Variants in NFAT5 observed in about 807,000 individuals in gnomAD.
NFAT5 encodes the protein nuclear factor of activated T-cells 5.
NFAT5 carries 31 observed loss-of-function variants against 166.5 expected under a neutral mutation model. That is an observed-to-expected ratio of 0.19 (90% CI 0.14 to 0.25). NFAT5 has a LOEUF of 0.25. Ranked by LOEUF, NFAT5 falls within the 10% of genes least tolerant of loss-of-function variation. The pLI, the probability that NFAT5 is intolerant of heterozygous loss-of-function variation, is 1.00. For synonymous variants in NFAT5, 612 were observed against 639.7 expected, an observed-to-expected ratio of 0.96 and a Z score of 0.65; for missense variants, 1,449 against 1,821.8, an observed-to-expected ratio of 0.80 and a Z score of 3.72.
intron 2 of NFAT5, among the ~76,000 whole-genome samples, chr16:69,585,440 G>A (rs377164115): frequency 1.4e-4 from 21 of 152,064 alleles, no homozygotes; most frequent in East Asian, 9.6e-4. Flanking sequence ...GTTAAACATA[G>A]AATTATATGA....
At chr16:69,594,308 T>G (rs1348875561) in intron 2 of NFAT5, among the ~76,000 whole-genome samples, 1 of 152,186 alleles carries the variant, frequency 6.6e-6, no homozygotes, top group Non-Finnish European at 1.5e-5. Flanking sequence ...CTGTAGACAA[T>G]TGTAACACAA....
At chr16:69,667,735 C>T (rs543119345) in intron 7 of NFAT5, among the ~76,000 whole-genome samples, 1 of 151,212 alleles carries the variant, frequency 6.6e-6, no homozygotes, top group East Asian at 1.9e-4. Flanking sequence ...TTTGGTAATA[C>T]AATATATTAA....
At chr16:69,606,050 TC>T (rs1254979961) in intron 2 of NFAT5, among the ~76,000 whole-genome samples, 1 of 152,198 alleles carries the variant, frequency 6.6e-6, no homozygotes, top group East Asian at 1.9e-4. Flanking sequence ...TGGTACTGTA[TC>T]CTTTTACCCT....
rs1282580664 is a variant in NFAT5 at position 69,703,073 on chromosome 16, G to T, written c.*6722G>T. On this transcript the variant is annotated 3_prime_UTR_variant, in exon 15 of 15. Transcript: ENST00000349945. Reference sequence around the variant, plus strand: ...AAGTCTCCTGTTTATCCATAAAATGGGTACATTATGGGCAGTGTAATACAA... The same window carrying T: ...AAGTCTCCTGTTTATCCATAAAATGTGTACATTATGGGCAGTGTAATACAA... The T allele has an allele frequency of 6.6e-6, 1 of 152,446 alleles. No individual in the cohort carries two copies. Among genetic ancestry groups the T allele is most frequent in the Non-Finnish European group, 1.5e-5 (1 of 68,026 alleles). 9.4% of individuals were successfully genotyped at this position (152,446 alleles called of 1,614,324 possible).
intron 3 of NFAT5, among the ~76,000 whole-genome samples, chr16:69,637,204 C>T (rs1320892024): frequency 6.6e-6 from 1 of 152,214 alleles, no homozygotes; most frequent in African/African-American, 2.4e-5. Flanking sequence ...TTATCTCCAT[C>T]AGAGACCTGG....
Position 69,670,306 on chromosome 16 carries a change from T to A in NFAT5, c.1557+18T>A. 1 of 1,531,752 alleles carries A rather than the reference T, an allele frequency of 6.5e-7. No homozygotes were observed. Among genetic ancestry groups the A allele is most frequent in the Non-Finnish European group, 8.9e-7 (1 of 1,122,098 alleles). 94.9% of individuals were successfully genotyped at this position (1,531,752 alleles called of 1,614,324 possible). ...TTCATCAGGTAAAATTTAAGCTTTT[T>A]TTATAATTTGGTTATTTACTCTCTG... On this transcript the variant is annotated intron_variant, in intron 9 of 14. Coordinates refer to ENST00000349945, the MANE Select transcript of NFAT5 (RefSeq NM_138713.4).
chr16:69,666,876 T>C (rs2036404343), intron 7 of NFAT5, among the ~76,000 whole-genome samples: 1 of 152,148 alleles, frequency 6.6e-6, no homozygotes, highest in African/African-American at 2.4e-5. Context: ...TGCACACATA[T>C]GTTTATTGCA....
chr16:69,624,055 A>G (rs1349919362), intron 2 of NFAT5, among the ~76,000 whole-genome samples: 2 of 151,756 alleles, frequency 1.3e-5, no homozygotes, highest in African/African-American at 2.4e-5. Flanking sequence ...CCGGCCGTCT[A>G]CTTAAGGCTT....
intron 2 of NFAT5, among the ~76,000 whole-genome samples, chr16:69,599,935 G>C (rs993789119): frequency 1.3e-5 from 2 of 152,178 alleles, no homozygotes; most frequent in South Asian, 4.1e-4. Context: ...TGGGTGCTGA[G>C]GAGTGATGTC....
intron 2 of NFAT5, among the ~76,000 whole-genome samples, chr16:69,614,068 A>G (rs973438655): frequency 1.3e-5 from 2 of 152,138 alleles, no homozygotes; most frequent in Non-Finnish European, 2.9e-5. Flanking sequence ...GTTTTGTTTG[A>G]TTTTAAACAG....
intron 3 of NFAT5, among the ~76,000 whole-genome samples, chr16:69,644,585 T>TA (rs1374145188): frequency 1.3e-5 from 2 of 152,218 alleles, no homozygotes; most frequent in Non-Finnish European, 2.9e-5. Context: ...TTGGCATACT[T>TA]ACCCTAGAAC....
intron 6 of NFAT5, among the ~76,000 whole-genome samples, chr16:69,656,477 AGTCTCC>A (rs772320967): frequency 1.8e-4 from 27 of 149,676 alleles, no homozygotes; most frequent in Non-Finnish European, 1.5e-4. Context: ...TTTGAGACAG[AGTCTCC>A]GTCTGTCGCC....
chr16:69,662,151 A>G (rs1317016967), intron 7 of NFAT5, among the ~76,000 whole-genome samples: 1 of 152,208 alleles, frequency 6.6e-6, no homozygotes, highest in East Asian at 1.9e-4. Flanking sequence ...GTGTGAATAA[A>G]GTACAGTGGA....
At chr16:69,657,083 A>G (rs1168809953) in intron 6 of NFAT5, among the ~76,000 whole-genome samples, 1 of 152,100 alleles carries the variant, frequency 6.6e-6, no homozygotes, top group Non-Finnish European at 1.5e-5. Context: ...GCCATTTTAA[A>G]TAGATTGGTA....
At chr16:69,633,701 TA>T (rs1331424619) in intron 3 of NFAT5, among the ~76,000 whole-genome samples, 2 of 152,030 alleles carry the variant, frequency 1.3e-5, no homozygotes, top group Non-Finnish European at 2.9e-5. Flanking sequence ...AAGGAAGGGA[TA>T]GGGAGAAATT....
At chr16:69,665,055 TTAAAAA>T (rs1368894689) in intron 7 of NFAT5, among the ~76,000 whole-genome samples, 1 of 152,048 alleles carries the variant, frequency 6.6e-6, no homozygotes. Flanking sequence ...AGTAAATAAC[TTAAAAA>T]TAAAACAGTT....
intron 3 of NFAT5, among the ~76,000 whole-genome samples, chr16:69,645,878 T>C (rs1440760557): frequency 6.6e-6 from 1 of 152,224 alleles, no homozygotes; most frequent in Non-Finnish European, 1.5e-5. Context: ...TCTGAGTTTA[T>C]GCTGTTAAGG....
Position 69,692,939 on chromosome 16 carries a change from A to G in NFAT5, c.3114A>G (p.Gln1038=). Residue 1038 remains glutamine, a synonymous_variant, in exon 13 of 15, where the codon CAA becomes CAG. Coordinates refer to ENST00000349945, the MANE Select transcript of NFAT5 (RefSeq NM_138713.4). ...AACATAGTGGGGACAATCAACCTCAAGTTAACCTTTTTTCATCCACAAAAA... is the reference window on the plus strand; with the variant it reads ...AACATAGTGGGGACAATCAACCTCAGGTTAACCTTTTTTCATCCACAAAAA... ...QMQHSGDNQP[Q]VNLFSSTKSM... The G allele has an allele frequency of 6.2e-7, 1 of 1,614,210 alleles. No individual in the cohort carries two copies. Among genetic ancestry groups the G allele is most frequent in the Non-Finnish European group, 8.5e-7 (1 of 1,180,044 alleles).
intron 7 of NFAT5, among the ~76,000 whole-genome samples, chr16:69,663,539 A>G (rs1597497318): frequency 6.8e-6 from 1 of 146,646 alleles, no homozygotes; most frequent in Admixed American, 6.9e-5. Context: ...GTTTGAATCC[A>G]GCCTGGGATT....
Sources: allele counts gnomAD v4.1 joint callset (sites outside exome capture counted in the v4.1 genomes callset), GRCh38; gene constraint gnomAD v4.1.1; transcripts MANE v1.5; gene names NCBI Gene and HGNC (gene_info 2026-07-23, HGNC 2026-07-21).